Variants in ADAP1 observed in about 807,000 individuals in gnomAD.
The protein encoded by ADAP1 is ArfGAP with dual PH domains 1.
ADAP1 carries 31 observed loss-of-function variants against 54.9 expected under a neutral mutation model. That is an observed-to-expected ratio of 0.56 (90% CI 0.42 to 0.76). The LOEUF (loss-of-function observed/expected upper bound fraction) is 0.76, where lower values mean the gene tolerates loss of function less well. Among genes scored for constraint, ADAP1 ranks in the 30% least tolerant of loss-of-function variants. The pLI is 0.00. For missense variants in ADAP1, 535 were observed against 512.4 expected, an observed-to-expected ratio of 1.04 and a Z score of -0.42; for synonymous variants, 313 against 202.6, an observed-to-expected ratio of 1.55 and a Z score of -4.63.
chr7:930,874 G>A (rs1168322841), intron 2 of ADAP1, among the ~76,000 whole-genome samples: 1 of 151,756 alleles, frequency 6.6e-6, no homozygotes, highest in Non-Finnish European at 1.5e-5. Context: ...CTACTCCTTG[G>A]GAGGCTGAGG....
chr7:908,900 C>G (rs1047410772), intron 4 of ADAP1, among the ~76,000 whole-genome samples: 2 of 152,066 alleles, frequency 1.3e-5, no homozygotes, highest in Non-Finnish European at 2.9e-5. Context: ...TCCAGTGTGT[C>G]GGTTCCACAG....
chr7:899,308 C>A (rs1470934183), intron 9 of ADAP1, 47 bp from the exon 10 acceptor site: 1 of 1,608,566 alleles, frequency 6.2e-7, no homozygotes, highest in Non-Finnish European at 8.5e-7. Context: ...CCCTTCCAGC[C>A]CCGCTTCACT....
chr7:915,340 C>T (rs116324450), intron 4 of ADAP1, among the ~76,000 whole-genome samples: 2,147 of 152,314 alleles, frequency 0.014, 48 homozygotes, highest in African/African-American at 0.048. Flanking sequence ...CATCCTCACA[C>T]CCATCCAGGG....
At chr7:899,871 C>G (rs1023851068) in intron 8 of ADAP1, among the ~76,000 whole-genome samples, 2 of 152,166 alleles carry the variant, frequency 1.3e-5, no homozygotes, top group East Asian at 3.9e-4. Flanking sequence ...TGCACGGTCC[C>G]GTGGGTGAGG....
chr7:935,627 G>A (rs1562933470), intron 1 of ADAP1, 122 bp from the exon 2 acceptor site: 27 of 1,283,236 alleles, frequency 2.1e-5, no homozygotes, highest in Non-Finnish European at 2.9e-5. Context: ...GGAGACCCCC[G>A]GGTACACCAG....
At chr7:907,292 G>C (rs1447491176) in intron 4 of ADAP1, among the ~76,000 whole-genome samples, 1 of 152,158 alleles carries the variant, frequency 6.6e-6, no homozygotes, top group African/African-American at 2.4e-5. Context: ...TGCTGTGGCA[G>C]ACGATCACAG....
chr7:921,703 G>A (rs559872315), intron 3 of ADAP1, among the ~76,000 whole-genome samples: 1 of 152,318 alleles, frequency 6.6e-6, no homozygotes, highest in South Asian at 2.1e-4. Flanking sequence ...TGCCTGAGCC[G>A]CTCCGGCTGT....
At chr7:907,129 G>T (rs1243858044) in intron 4 of ADAP1, among the ~76,000 whole-genome samples, 1 of 152,130 alleles carries the variant, frequency 6.6e-6, no homozygotes, top group South Asian at 2.1e-4. Context: ...CTCATCTGAG[G>T]GGAGTCCAGC....
Position 919,984 on chromosome 7 carries a change from C to T in ADAP1, c.372G>A (p.Gln124=), listed in dbSNP as rs762435264. The T allele has an allele frequency of 3.7e-6, 6 of 1,606,776 alleles. No homozygotes were observed. Among genetic ancestry groups the T allele is most frequent in the Non-Finnish European group, 5.1e-6 (6 of 1,179,444 alleles). Reference sequence around the variant, plus strand: ...TGGCCTCACCTGCCGAGTAGGGCTCCTGCTTCTCCGGGTAGATGAACTCCT... The same window carrying T: ...TGGCCTCACCTGCCGAGTAGGGCTCTTGCTTCTCCGGGTAGATGAACTCCT... ...ERQEFIYPEK[Q]EPYSAGYREG... is the part of the protein sequence containing the mutation. The change falls in exon 4 of 11, where the codon CAG becomes CAA. Residue 124 remains glutamine (Q), a synonymous_variant. Coordinates refer to ENST00000265846, the MANE Select transcript of ADAP1 (RefSeq NM_006869.4).
Position 905,131 on chromosome 7 carries a change from C to A in ADAP1, c.430G>T (p.Gly144Trp), listed in dbSNP as rs748582543. 10 of 1,612,414 alleles carry A rather than the reference C, an allele frequency of 6.2e-6. No individual in the cohort carries two copies. The highest frequency in any genetic ancestry group is 7.6e-6 in the Non-Finnish European group (9 of 1,179,894). Residue 144 changes from glycine (G) to tryptophan (W), a missense_variant, in exon 5 of 11, where the codon GGG becomes TGG. Coordinates refer to ENST00000265846, the MANE Select transcript of ADAP1 (RefSeq NM_006869.4). ...GFLWKRGRDN[G>W]QFLSRKFVLT... ...ACAAACTTCCGGCTCAAAAACTGCCCGTTGTCCCGGCCACGCTTCCAGAGA... is the reference window on the plus strand; with the variant it reads ...ACAAACTTCCGGCTCAAAAACTGCCAGTTGTCCCGGCCACGCTTCCAGAGA...
Position 898,415 on chromosome 7 carries a change from C to T in ADAP1, c.*506G>A, listed in dbSNP as rs574090085. On this transcript the variant is annotated 3_prime_UTR_variant, in exon 11 of 11. Coordinates refer to ENST00000265846, the MANE Select transcript of ADAP1 (RefSeq NM_006869.4). ...CTGTGTGGATAATCCACCCAAACACCCCACGGCCCTCATAGCCCCGTGACA... is the reference window on the plus strand; with the variant it reads ...CTGTGTGGATAATCCACCCAAACACTCCACGGCCCTCATAGCCCCGTGACA... 1.4e-3 allele frequency: 278 copies of T among 201,280 alleles called. No individual in the cohort carries two copies. The highest frequency in any genetic ancestry group is 6.5e-3 in the Middle Eastern group (3 of 462). 12.5% of individuals were successfully genotyped at this position (201,280 alleles called of 1,614,324 possible). A position where few individuals can be genotyped will look rare whatever the true frequency, so the allele number is the denominator to read the frequency against.
chr7:919,979 G>A lies in ADAP1; in HGVS notation c.377C>T (p.Pro126Leu), dbSNP rs769371283. 2.5e-6 allele frequency: 4 copies of A among 1,606,298 alleles called. No individual in the cohort carries two copies. Among genetic ancestry groups the A allele is most frequent in the Non-Finnish European group, 3.4e-6 (4 of 1,179,362 alleles). The change falls in exon 4 of 11, where the codon CCC becomes CTC. Residue 126 changes from proline to leucine, a missense_variant. Transcript: ENST00000265846. ...CCGGGTGGCCTCACCTGCCGAGTAGGGCTCCTGCTTCTCCGGGTAGATGAA... is the reference window on the plus strand; with the variant it reads ...CCGGGTGGCCTCACCTGCCGAGTAGAGCTCCTGCTTCTCCGGGTAGATGAA... ...QEFIYPEKQE[P>L]YSAGYREGFL...
At chr7:899,552 C>T in intron 8 of ADAP1, 62 bp from the exon 9 acceptor site, 7 of 1,555,018 alleles carry the variant, frequency 4.5e-6, no homozygotes, top group Non-Finnish European at 3.5e-6. Context: ...ATCCAGCTGA[C>T]CACAGCACAC....
intron 4 of ADAP1, among the ~76,000 whole-genome samples, chr7:917,651 A>T (rs1401299542): frequency 6.6e-6 from 1 of 152,066 alleles, no homozygotes; most frequent in Non-Finnish European, 1.5e-5. Context: ...TTTTTACTAG[A>T]AACAGTTTTG....
intron 4 of ADAP1, among the ~76,000 whole-genome samples, chr7:910,027 G>A (rs1845657586): frequency 6.6e-6 from 1 of 152,160 alleles, no homozygotes; most frequent in Non-Finnish European, 1.5e-5. Flanking sequence ...AAGACGTTCA[G>A]CATCGCCATG....
At position 904,244 on chromosome 7, in the gene ADAP1, A is replaced by G; in HGVS notation, c.530T>C (p.Ile177Thr). 1 of 1,607,066 alleles carries G rather than the reference A, an allele frequency of 6.2e-7. No individual in the cohort carries two copies. Among genetic ancestry groups the G allele is most frequent in the South Asian group, 1.1e-5 (1 of 90,366 alleles). ...DAKEPKAVMK[I>T]EHLNATFQPA... ...CTGGAAGGTGGCGTTCAGGTGCTCG[A>G]TCTTCATCACGGCCTTGGGCTCCTT... Residue 177 changes from isoleucine to threonine, a missense_variant, in exon 6 of 11, where the codon ATC becomes ACC. Ile to Thr is a moderately conservative substitution (Grantham distance 89, BLOSUM62 -1). Coordinates refer to ENST00000265846, the MANE Select transcript of ADAP1 (RefSeq NM_006869.4).
rs971916334 is a variant in ADAP1 at position 920,713 on chromosome 7, C to T, written c.306-663G>A. On this transcript the variant is annotated intron_variant, in intron 3 of 10. Coordinates refer to ENST00000265846, the MANE Select transcript of ADAP1 (RefSeq NM_006869.4). This position sits in a 1 kb window ranked among gnomAD's most constrained non-coding sequence, Gnocchi z 4.5. Reference sequence around the variant, plus strand: ...TAAAGCCCGGGACGAGGGCCCCCCACGGCACCCACTGAGCCCAGACATCCC... The same window carrying T: ...TAAAGCCCGGGACGAGGGCCCCCCATGGCACCCACTGAGCCCAGACATCCC... The T allele has an allele frequency of 2.9e-5, 39 of 1,322,420 alleles. No individual in the cohort carries two copies. Among genetic ancestry groups the T allele is most frequent in the African/African-American group, 4.4e-5 (3 of 67,796 alleles). 81.9% of individuals were successfully genotyped at this position (1,322,420 alleles called of 1,614,324 possible). A position where few individuals can be genotyped will look rare whatever the true frequency, so the allele number is the denominator to read the frequency against.
At chr7:919,604 C>T (rs1028280959) in intron 4 of ADAP1, among the ~76,000 whole-genome samples, 1 of 136,454 alleles carries the variant, frequency 7.3e-6, no homozygotes, top group Non-Finnish European at 1.5e-5. Flanking sequence ...GGAAGAGAGA[C>T]AGAGAATGAG....
Position 920,332 on chromosome 7 carries a change from C to T in ADAP1, c.306-282G>A, listed in dbSNP as rs1033394983. On this transcript the variant is annotated intron_variant, in intron 3 of 10. Coordinates refer to ENST00000265846, the MANE Select transcript of ADAP1 (RefSeq NM_006869.4). This position sits in a 1 kb window ranked among gnomAD's most constrained non-coding sequence, Gnocchi z 4.5. Reference sequence around the variant, plus strand: ...GCGTTCCCGGTGGACGGGCTGGTGCCTCCCCTCTCCTTCCCACCTTGGCCT... The same window carrying T: ...GCGTTCCCGGTGGACGGGCTGGTGCTTCCCCTCTCCTTCCCACCTTGGCCT... Among the ~76,000 whole-genome samples, 5 of 152,254 alleles carry T rather than the reference C, an allele frequency of 3.3e-5. No individual in the cohort carries two copies. The highest frequency in any genetic ancestry group is 4.8e-5 in the African/African-American group (2 of 41,528).
Sources: allele counts gnomAD v4.1 joint callset (sites outside exome capture counted in the v4.1 genomes callset), GRCh38; gene constraint gnomAD v4.1.1; non-coding constraint Gnocchi (gnomAD v3.1); transcripts MANE v1.5; gene names NCBI Gene and HGNC (gene_info 2026-07-23, HGNC 2026-07-21).